CTNNA3: variants seen among roughly 807,000 people sequenced by gnomAD.
CTNNA3 encodes the protein catenin alpha 3, also known as catenin alpha-3.
CTNNA3 carries 76 observed loss-of-function variants against 95.7 expected under a neutral mutation model. The observed-to-expected ratio is 0.79, with a 90% CI of 0.66 to 0.96. CTNNA3 has a LOEUF of 0.96. CTNNA3 is among the 40% of genes least tolerant of loss of function. The pLI is 0.00. For missense variants in CTNNA3, 1,191 were observed against 1,089.8 expected, an observed-to-expected ratio of 1.09 and a Z score of -1.31; for synonymous variants, 431 against 374.4, an observed-to-expected ratio of 1.15 and a Z score of -1.74.
chr10:66,551,314 T>C (rs1021061627), intron 10 of CTNNA3, among the ~76,000 whole-genome samples: 2 of 152,124 alleles, frequency 1.3e-5, no homozygotes, highest in Non-Finnish European at 2.9e-5. Flanking sequence ...TGATGAGACA[T>C]TCTCATCAGA....
At chr10:66,625,615 C>A (rs1230499355) in intron 9 of CTNNA3, among the ~76,000 whole-genome samples, 1 of 152,098 alleles carries the variant, frequency 6.6e-6, no homozygotes, top group African/African-American at 2.4e-5. Context: ...TTTTGACCTC[C>A]TGACCTCAAG....
At chr10:67,189,154 C>CA (rs1375790125) in intron 6 of CTNNA3, among the ~76,000 whole-genome samples, 1 of 143,120 alleles carries the variant, frequency 7.0e-6, no homozygotes, top group Non-Finnish European at 1.5e-5. Flanking sequence ...AAAAAAAAAA[C>CA]AGAAAATTCT....
intron 5 of CTNNA3, among the ~76,000 whole-genome samples, chr10:67,478,989 A>G (rs1401150466): frequency 6.6e-6 from 1 of 152,158 alleles, no homozygotes; most frequent in African/African-American, 2.4e-5. Context: ...GATAAAACCA[A>G]CTACAGTAAA....
chr10:66,589,288 GA>G (rs1188230723), intron 10 of CTNNA3, among the ~76,000 whole-genome samples: 1 of 151,894 alleles, frequency 6.6e-6, no homozygotes, highest in African/African-American at 2.4e-5. Context: ...AAAAAAGAAA[GA>G]GGGATGAAAG....
chr10:66,894,762 C>T (rs548041026), intron 7 of CTNNA3, among the ~76,000 whole-genome samples: 5 of 151,810 alleles, frequency 3.3e-5, no homozygotes, highest in African/African-American at 1.2e-4. Context: ...ACAAGCTCAA[C>T]AAAGAAAGGA....
chr10:67,419,442 G>C (rs1406612872), intron 5 of CTNNA3, among the ~76,000 whole-genome samples: 1 of 151,478 alleles, frequency 6.6e-6, no homozygotes, highest in African/African-American at 2.4e-5. Flanking sequence ...TTGAGGTTTG[G>C]AGCATGGACC....
chr10:67,427,096 T>G (rs1845947673), intron 5 of CTNNA3, among the ~76,000 whole-genome samples: 1 of 152,068 alleles, frequency 6.6e-6, no homozygotes, highest in Admixed American at 6.6e-5. Flanking sequence ...ACAAAATTAC[T>G]GTATGTCATT....
intron 7 of CTNNA3, among the ~76,000 whole-genome samples, chr10:66,893,437 G>A (rs1301294991): frequency 6.6e-6 from 1 of 151,316 alleles, no homozygotes; most frequent in Non-Finnish European, 1.5e-5. Context: ...AACAACCAGA[G>A]AATTGCCAAT....
intron 3 of CTNNA3, among the ~76,000 whole-genome samples, chr10:67,548,387 A>G (rs1179952389): frequency 2.6e-5 from 4 of 152,176 alleles, no homozygotes; most frequent in Non-Finnish European, 4.4e-5. Context: ...ATAGCAATGC[A>G]AAAATGGACT....
chr10:66,591,447 C>T (rs964009589), intron 10 of CTNNA3, among the ~76,000 whole-genome samples: 1 of 152,004 alleles, frequency 6.6e-6, no homozygotes, highest in African/African-American at 2.4e-5. Flanking sequence ...AGCCTGAAGG[C>T]AACATGAGAG....
At chr10:66,447,807 A>G (rs998855843) in intron 11 of CTNNA3, among the ~76,000 whole-genome samples, 4 of 152,042 alleles carry the variant, frequency 2.6e-5, no homozygotes, top group Non-Finnish European at 5.9e-5. Flanking sequence ...AATGGCAACA[A>G]AAGCCAAAAT....
intron 7 of CTNNA3, among the ~76,000 whole-genome samples, chr10:67,077,836 A>T (rs1856814360): frequency 6.6e-6 from 1 of 152,176 alleles, no homozygotes. Flanking sequence ...AAGAGAGAAA[A>T]TTACTAATAA....
intron 15 of CTNNA3, among the ~76,000 whole-genome samples, chr10:66,048,619 G>A (rs1356768355): frequency 6.6e-6 from 1 of 152,110 alleles, no homozygotes; most frequent in African/African-American, 2.4e-5. Flanking sequence ...AAATTAGCCA[G>A]GCGTGCTGGT....
chr10:66,740,515 T>C (rs1002402120), intron 9 of CTNNA3, among the ~76,000 whole-genome samples: 1 of 152,238 alleles, frequency 6.6e-6, no homozygotes, highest in African/African-American at 2.4e-5. Context: ...TAATTCTCTT[T>C]GGAATTAACA....
chr10:66,886,817 T>C (rs1311611400), intron 7 of CTNNA3, among the ~76,000 whole-genome samples: 1 of 152,214 alleles, frequency 6.6e-6, no homozygotes, highest in African/African-American at 2.4e-5. Flanking sequence ...ATACACCATT[T>C]TCCTTACTCA....
intron 7 of CTNNA3, among the ~76,000 whole-genome samples, chr10:66,987,647 G>A (rs180713634): frequency 6.6e-6 from 1 of 152,212 alleles, no homozygotes; most frequent in African/African-American, 2.4e-5. Context: ...GCTTTGTATA[G>A]TTAACTTTGG....
At chr10:66,330,850 TC>T (rs34056858) in intron 12 of CTNNA3, among the ~76,000 whole-genome samples, 97,533 of 151,844 alleles carry the variant, frequency 0.64, 33,694 homozygotes, top group Non-Finnish European at 0.77. Flanking sequence ...CATGTGTTTT[TC>T]GGCTGCATAA....
chr10:66,506,321 G>C (rs1840449241), intron 11 of CTNNA3, among the ~76,000 whole-genome samples: 1 of 152,154 alleles, frequency 6.6e-6, no homozygotes, highest in Non-Finnish European at 1.5e-5. Context: ...TCCTATGGAA[G>C]TTCAGGACCC....
At chr10:67,183,553 G>T (rs192834126) in intron 6 of CTNNA3, among the ~76,000 whole-genome samples, 3 of 151,898 alleles carry the variant, frequency 2.0e-5, no homozygotes, top group Non-Finnish European at 2.9e-5. Flanking sequence ...GTGGGAGGAG[G>T]GGGGAGGGAT....
Sources: allele counts gnomAD v4.1 joint callset (sites outside exome capture counted in the v4.1 genomes callset), GRCh38; gene constraint gnomAD v4.1.1; transcripts MANE v1.5; gene names NCBI Gene and HGNC (gene_info 2026-07-23, HGNC 2026-07-21).